SLC2A13: variants seen among roughly 807,000 people sequenced by gnomAD.
The protein encoded by SLC2A13 is proton myo-inositol cotransporter.
In SLC2A13, 32 loss-of-function variants were observed where a neutral mutation model predicts 64.4. That is an observed-to-expected ratio of 0.50 (90% CI 0.37 to 0.67). The LOEUF (loss-of-function observed/expected upper bound fraction) is 0.67, where lower values mean the gene tolerates loss of function less well. SLC2A13 is among the 30% of genes least tolerant of loss of function. SLC2A13 has a pLI of 0.00. For missense variants in SLC2A13, 743 were observed against 829.2 expected, an observed-to-expected ratio of 0.90 and a Z score of 1.28; for synonymous variants, 338 against 327.1, an observed-to-expected ratio of 1.03 and a Z score of -0.36.
intron 4 of SLC2A13, among the ~76,000 whole-genome samples, chr12:39,873,327 A>C (rs762857382): frequency 6.6e-6 from 1 of 152,234 alleles, no homozygotes; most frequent in Non-Finnish European, 1.5e-5. Context: ...TTTTGCAGTC[A>C]GAGTGTAAAG....
At chr12:39,766,735 T>C (rs989905987) in intron 7 of SLC2A13, among the ~76,000 whole-genome samples, 1 of 152,128 alleles carries the variant, frequency 6.6e-6, no homozygotes, top group Admixed American at 6.6e-5. Flanking sequence ...ACAATGTTCA[T>C]AGCACTTTCA....
intron 6 of SLC2A13, among the ~76,000 whole-genome samples, chr12:39,859,404 G>T (rs1566874165): frequency 6.6e-6 from 1 of 151,144 alleles, no homozygotes; most frequent in Non-Finnish European, 1.5e-5. Flanking sequence ...GCATCACCTG[G>T]GGAGCATTTC....
At chr12:40,046,296 C>T (rs572651732) in intron 2 of SLC2A13, among the ~76,000 whole-genome samples, 1 of 152,282 alleles carries the variant, frequency 6.6e-6, no homozygotes, top group Non-Finnish European at 1.5e-5. Flanking sequence ...AGGCTTGTCC[C>T]AACACCTCCG....
At chr12:39,772,206 T>G (rs1048131321) in intron 7 of SLC2A13, among the ~76,000 whole-genome samples, 3 of 152,146 alleles carry the variant, frequency 2.0e-5, no homozygotes, top group African/African-American at 7.2e-5. Context: ...CAGGGTCTAA[T>G]GTCAGACTGC....
rs551989205 is a variant in SLC2A13 at position 39,923,725 on chromosome 12, T to C, written c.1034+27532A>G. Among the ~76,000 whole-genome samples, 88 of 70,304 alleles carry C rather than the reference T, an allele frequency of 1.3e-3. No individual in the cohort carries two copies. The Middle Eastern group carries it at 0.029, about 23-fold the overall frequency. The allele number at this position is 70,304 out of a possible 152,430, so 46.1% of individuals were successfully genotyped here. On this transcript the variant is annotated intron_variant, in intron 4 of 9. Coordinates refer to ENST00000280871, the MANE Select transcript of SLC2A13 (RefSeq NM_052885.4). ...ACACACACACACACACACACACACA[T>C]ATATTTTAACACGATAAAAAATTTT...
At chr12:39,948,582 A>G (rs945489570) in intron 4 of SLC2A13, among the ~76,000 whole-genome samples, 3 of 152,136 alleles carry the variant, frequency 2.0e-5, no homozygotes, top group South Asian at 4.1e-4. Flanking sequence ...TTTCCGTATA[A>G]TCTTTCTATA....
At chr12:39,997,655 C>G (rs887240309) in intron 3 of SLC2A13, among the ~76,000 whole-genome samples, 1 of 152,018 alleles carries the variant, frequency 6.6e-6, no homozygotes, top group Non-Finnish European at 1.5e-5. Flanking sequence ...ATGGTGAAAC[C>G]CCATCTCTAC....
intron 3 of SLC2A13, among the ~76,000 whole-genome samples, chr12:40,024,767 A>G (rs916472964): frequency 9.2e-5 from 14 of 152,218 alleles, no homozygotes; most frequent in African/African-American, 3.4e-4. Flanking sequence ...TACAGCATTT[A>G]GAAATAAAGA....
chr12:39,835,237 C>T (rs1225336830), intron 6 of SLC2A13, among the ~76,000 whole-genome samples: 1 of 152,038 alleles, frequency 6.6e-6, no homozygotes, highest in Admixed American at 6.6e-5. Context: ...TTTTCTATCT[C>T]AAGAGCACAC....
chr12:39,761,998 G>C (rs1309139528), intron 9 of SLC2A13, among the ~76,000 whole-genome samples: 1 of 152,098 alleles, frequency 6.6e-6, no homozygotes, highest in Non-Finnish European at 1.5e-5. Context: ...TCCTGAAGTT[G>C]ATTACAGATT....
intron 6 of SLC2A13, among the ~76,000 whole-genome samples, chr12:39,850,085 T>C (rs1169977061): frequency 6.6e-6 from 1 of 152,160 alleles, no homozygotes; most frequent in Non-Finnish European, 1.5e-5. Flanking sequence ...TGCAATGTCA[T>C]GTTCCCTGCT....
chr12:40,075,401 G>T (rs780834304), intron 1 of SLC2A13, among the ~76,000 whole-genome samples: 3 of 152,182 alleles, frequency 2.0e-5, no homozygotes, highest in South Asian at 4.1e-4. Flanking sequence ...TGCCTCTCCA[G>T]TTTTGGGGGT....
Position 39,913,229 on chromosome 12 carries a change from G to A in SLC2A13, c.1034+38028C>T, listed in dbSNP as rs1945459776. On this transcript the variant is annotated intron_variant, in intron 4 of 9. Coordinates refer to ENST00000280871, the MANE Select transcript of SLC2A13 (RefSeq NM_052885.4). ...AGACTACTGAGGTTTCTTATTGCAG[G>A]GGAAGACAGATTAACTTTTACACAT... 2.0e-5 allele frequency among the ~76,000 whole-genome samples: 3 copies of A among 152,048 alleles called. No individual in the cohort carries two copies. The South Asian group carries it at 6.2e-4, about 32-fold the overall frequency.
chr12:40,071,119 ATGC>A (rs1937939283), intron 1 of SLC2A13, among the ~76,000 whole-genome samples: 1 of 152,298 alleles, frequency 6.6e-6, no homozygotes, highest in Non-Finnish European at 1.5e-5. Context: ...CAGGCCAGAA[ATGC>A]TGCTAAGCAT....
chr12:40,031,014 C>T lies in SLC2A13; in HGVS notation c.717-2505G>A, dbSNP rs1947894673. On this transcript the variant is annotated intron_variant, in intron 2 of 9. Transcript: ENST00000280871. ...TTTATACGTTTGTATCCTAATACTT[C>T]TAAAAGTAAAATGAGAAAGCTTATT... Among the ~76,000 whole-genome samples, 4 of 152,226 alleles carry T rather than the reference C, an allele frequency of 2.6e-5. 1 individual carries two copies. In the South Asian group the frequency reaches 8.3e-4, roughly 32 times the overall value.
chr12:39,900,975 C>T (rs1050361463), intron 4 of SLC2A13, among the ~76,000 whole-genome samples: 55 of 152,070 alleles, frequency 3.6e-4, no homozygotes, highest in South Asian at 2.3e-3. Flanking sequence ...AGCATGGTAC[C>T]GGTACCAAAA....
intron 3 of SLC2A13, among the ~76,000 whole-genome samples, chr12:39,965,022 G>GA (rs1379116948): frequency 2.0e-5 from 3 of 151,902 alleles, no homozygotes; most frequent in African/African-American, 4.8e-5. Context: ...AAATTTTCAG[G>GA]AAAAAAACCT....
intron 5 of SLC2A13, among the ~76,000 whole-genome samples, chr12:39,870,811 T>A (rs1944029112): frequency 6.6e-6 from 1 of 152,180 alleles, no homozygotes; most frequent in East Asian, 1.9e-4. Flanking sequence ...GTTCTACTCT[T>A]CATTCTGGAA....
intron 6 of SLC2A13, among the ~76,000 whole-genome samples, chr12:39,844,678 C>T (rs750891363): frequency 9.2e-5 from 14 of 152,050 alleles, no homozygotes; most frequent in South Asian, 2.1e-4. Flanking sequence ...ATACACTCAG[C>T]TTTCAATGCT....
Sources: allele counts gnomAD v4.1 joint callset (sites outside exome capture counted in the v4.1 genomes callset), GRCh38; gene constraint gnomAD v4.1.1; transcripts MANE v1.5; gene names NCBI Gene and HGNC (gene_info 2026-07-23, HGNC 2026-07-21).